The following ARFGEF3 variants were observed in gnomAD, a reference collection of about 807,000 sequenced individuals.
The protein encoded by ARFGEF3 is ARFGEF family member 3.
Under a neutral mutation model 221.7 loss-of-function variants are expected in ARFGEF3, and 96 were observed. The observed-to-expected ratio is 0.43, with a 90% CI of 0.37 to 0.51. The LOEUF is 0.51. Among genes scored for constraint, ARFGEF3 ranks in the 20% least tolerant of loss-of-function variants. ARFGEF3 has a pLI of 0.00. For synonymous variants in ARFGEF3, 1,145 were observed against 1,126.8 expected, an observed-to-expected ratio of 1.02 and a Z score of -0.32; for missense variants, 2,410 against 2,789.9, an observed-to-expected ratio of 0.86 and a Z score of 3.07.
chr6:138,198,786 A>G (rs186222191), intron 2 of ARFGEF3, among the ~76,000 whole-genome samples: 6 of 152,342 alleles, frequency 3.9e-5, no homozygotes, highest in Middle Eastern at 3.4e-3. Context: ...ATCACTCGAA[A>G]TAAGAAAGTT....
At chr6:138,294,892 G>T (rs759806803) in intron 20 of ARFGEF3, among the ~76,000 whole-genome samples, 1 of 152,162 alleles carries the variant, frequency 6.6e-6, no homozygotes, top group African/African-American at 2.4e-5. Flanking sequence ...AACCTCTGAG[G>T]TCCCTTCTAT....
intron 12 of ARFGEF3, among the ~76,000 whole-genome samples, chr6:138,268,489 G>C (rs745845953): frequency 3.3e-5 from 5 of 152,142 alleles, no homozygotes; most frequent in Admixed American, 6.5e-5. Context: ...ATTGAAATGA[G>C]CCTCCTTAAT....
intron 9 of ARFGEF3, among the ~76,000 whole-genome samples, 171 bp downstream of exon 9, chr6:138,254,155 A>G (rs1009511463): frequency 2.0e-5 from 3 of 152,120 alleles, no homozygotes; most frequent in African/African-American, 4.8e-5. Context: ...AGTTGTTCAC[A>G]CCTGTAATCT....
chr6:138,264,523 A>C (rs1778852051), intron 12 of ARFGEF3, among the ~76,000 whole-genome samples: 1 of 152,182 alleles, frequency 6.6e-6, no homozygotes, highest in African/African-American at 2.4e-5. Context: ...TGACCCTGGG[A>C]ACTGACACAG....
In ARFGEF3 at chr6:138,276,668, C is replaced by T. The variant is rs578006963; in HGVS notation, c.2129-1783C>T. Among the ~76,000 whole-genome samples, 11 of 151,716 alleles carry T rather than the reference C, an allele frequency of 7.3e-5. No homozygotes were observed. The East Asian group carries it at 1.7e-3, about 24-fold the overall frequency. ...ACAATTTAACGTGCTTTTTGTTTTT[C>T]GTTTTTTTGTTTTTTGAGGCAGAGT... On this transcript the variant is annotated intron_variant, in intron 12 of 33. Transcript: ENST00000251691.
At chr6:138,262,642 C>A in intron 11 of ARFGEF3, 59 bp from the exon 12 acceptor site, 1 of 1,495,964 alleles carries the variant, frequency 6.7e-7, no homozygotes. Context: ...TTGTTCCTTT[C>A]AGAGATATTT....
chr6:138,189,346 AG>A (rs562408561), intron 2 of ARFGEF3, among the ~76,000 whole-genome samples: 202 of 152,338 alleles, frequency 1.3e-3, no homozygotes, highest in African/African-American at 4.7e-3. Flanking sequence ...ACCATGCGGA[AG>A]GTTTTACGAC....
intron 5 of ARFGEF3, among the ~76,000 whole-genome samples, chr6:138,234,067 G>A (rs1036812408): frequency 1.3e-5 from 2 of 152,168 alleles, no homozygotes; most frequent in Non-Finnish European, 2.9e-5. Context: ...TGGGCTTTGA[G>A]CACGTGCTTC....
chr6:138,257,247 C>T (rs770410215), intron 10 of ARFGEF3, among the ~76,000 whole-genome samples: 24 of 152,156 alleles, frequency 1.6e-4, no homozygotes, highest in Non-Finnish European at 3.4e-4. Flanking sequence ...AGCAGTGGCC[C>T]TTCCCCAGGG....
chr6:138,311,564 C>G (rs1291654579), intron 25 of ARFGEF3, 54 bp downstream of exon 25: 20 of 1,271,158 alleles, frequency 1.6e-5, no homozygotes, highest in Non-Finnish European at 1.3e-5. Flanking sequence ...TCGGAACATG[C>G]TGCCAAAACA....
intron 22 of ARFGEF3, among the ~76,000 whole-genome samples, chr6:138,299,896 T>G (rs1485071433): frequency 6.6e-6 from 1 of 152,038 alleles, no homozygotes; most frequent in East Asian, 1.9e-4. Flanking sequence ...CCCTTTTATG[T>G]GATCTGTATA....
chr6:138,190,314 G>A (rs1777276641), intron 2 of ARFGEF3, among the ~76,000 whole-genome samples: 1 of 151,946 alleles, frequency 6.6e-6, no homozygotes, highest in African/African-American at 2.4e-5. Flanking sequence ...CACTAACCTT[G>A]CCAGGAGGGG....
chr6:138,233,653 A>G (rs1242767836), intron 5 of ARFGEF3, among the ~76,000 whole-genome samples: 2 of 152,200 alleles, frequency 1.3e-5, no homozygotes, highest in African/African-American at 4.8e-5. Context: ...CTGGGATTAC[A>G]GGTATGAGCC....
intron 22 of ARFGEF3, among the ~76,000 whole-genome samples, chr6:138,301,822 C>T (rs1300627038): frequency 3.3e-5 from 5 of 152,114 alleles, no homozygotes; most frequent in African/African-American, 9.7e-5. Context: ...GCATAGTTTC[C>T]ACCCACATGA....
chr6:138,208,284 T>TATTTTTAGAGCGTCTCA (rs1201285587), intron 3 of ARFGEF3, among the ~76,000 whole-genome samples: 1 of 152,180 alleles, frequency 6.6e-6, no homozygotes, highest in Non-Finnish European at 1.5e-5. Context: ...ACTTTAGGCA[T>TATTTTTAGAGCGTCTCA]ATTTTTAGAG....
intron 3 of ARFGEF3, 110 bp downstream of exon 3, chr6:138,207,233 G>A (rs567786819): frequency 2.5e-5 from 19 of 775,214 alleles, no homozygotes; most frequent in South Asian, 1.8e-4. Context: ...GACTCAGGCA[G>A]AAATTTGATT....
At chr6:138,188,038 G>A (rs549991793) in intron 2 of ARFGEF3, among the ~76,000 whole-genome samples, 5 of 152,160 alleles carry the variant, frequency 3.3e-5, no homozygotes, top group Non-Finnish European at 7.4e-5. Flanking sequence ...AATAGAGTAG[G>A]ATATAGTGTT....
Position 138,255,720 on chromosome 6 carries a change from T to C in ARFGEF3, c.1055T>C (p.Leu352Pro). The C allele has an allele frequency of 6.2e-7, 1 of 1,606,064 alleles. No individual in the cohort carries two copies. The highest frequency in any genetic ancestry group is 1.1e-5 in the South Asian group (1 of 90,358). The change falls in exon 10 of 34, where the codon CTC becomes CCC. Residue 352 changes from leucine (L) to proline (P), a missense_variant. This residue lies in a region of ARFGEF3 where 570 missense variants were observed against 586.9 expected (regional missense o/e 0.97). Transcript: ENST00000251691. ...CAGTCCCTCTACCACCGAGTGCTGC[T>C]CTACCCCCCACCCCAGCACCGGGTG... ...VLQSLYHRVL[L>P]YPPPQHRVEA...
At chr6:138,274,871 G>T (rs1779067799) in intron 12 of ARFGEF3, among the ~76,000 whole-genome samples, 1 of 151,604 alleles carries the variant, frequency 6.6e-6, no homozygotes, top group Admixed American at 6.6e-5. Context: ...ACTTTGGGAG[G>T]CTGAGGCGGG....
Sources: gnomAD v4.1 joint callset for allele counts (sites outside exome capture counted in the v4.1 genomes callset) on GRCh38, gnomAD v4.1.1 for gene constraint, gnomAD v4.1.1 regional missense constraint, MANE v1.5 for transcripts, NCBI Gene and HGNC (gene_info 2026-07-23, HGNC 2026-07-21) for gene names.